The following SPMAP2L variants were observed in gnomAD, a reference collection of about 807,000 sequenced individuals.
The protein encoded by SPMAP2L is sperm microtubule associated protein 2 like.
chr4:56,592,644 C>T, the SPMAP2L span, among the ~76,000 whole-genome samples: 2 of 152,074 alleles, frequency 1.3e-5, no homozygotes, highest in Non-Finnish European at 2.9e-5. Flanking sequence ...GGGCAGGGGA[C>T]GGTGGCCGCG....
the SPMAP2L span, among the ~76,000 whole-genome samples, chr4:56,555,913 A>G: frequency 6.6e-6 from 1 of 152,196 alleles, no homozygotes; most frequent in Non-Finnish European, 1.5e-5. Context: ...GAACACACAC[A>G]TATTTATTGA....
At chr4:56,543,895 A>AGAGAGTGTGTGTGTGT in the SPMAP2L span, among the ~76,000 whole-genome samples, 3 of 109,418 alleles carry the variant, frequency 2.7e-5, no homozygotes, top group African/African-American at 1.1e-4. Flanking sequence ...AGAGAGAGAG[A>AGAGAGTGTGTGTGTGT]GTGTGTGTGT....
At chr4:56,593,444 TC>T in the SPMAP2L span, 1 of 1,560,180 alleles carries the variant, frequency 6.4e-7, no homozygotes, top group Non-Finnish European at 8.8e-7. Flanking sequence ...GGAGTGTTGT[TC>T]CAGTACCCAG....
the SPMAP2L span, among the ~76,000 whole-genome samples, chr4:56,610,266 C>A: frequency 6.7e-6 from 1 of 148,296 alleles, no homozygotes; most frequent in African/African-American, 2.5e-5. Context: ...TCCAATGGAA[C>A]AGATAGAGAA....
At chr4:56,591,144 A>C in the SPMAP2L span, among the ~76,000 whole-genome samples, 1 of 152,202 alleles carries the variant, frequency 6.6e-6, no homozygotes, top group Admixed American at 6.5e-5. Flanking sequence ...TAATTGGATC[A>C]TGAGAGTGGA....
the SPMAP2L span, among the ~76,000 whole-genome samples, chr4:56,581,073 G>A: frequency 6.6e-6 from 1 of 152,040 alleles, no homozygotes; most frequent in African/African-American, 2.4e-5. Context: ...AATTCATAGT[G>A]ACAGAAAGTA....
At chr4:56,624,526 G>C in the SPMAP2L span, among the ~76,000 whole-genome samples, 5 of 152,156 alleles carry the variant, frequency 3.3e-5, no homozygotes, top group Admixed American at 2.0e-4. Context: ...GGAGGCCTAG[G>C]AGGAAAAAGT....
chr4:56,535,626 T>G, the SPMAP2L span, among the ~76,000 whole-genome samples: 1 of 152,196 alleles, frequency 6.6e-6, no homozygotes, highest in Non-Finnish European at 1.5e-5. Flanking sequence ...CCCAGCCGAA[T>G]AAAGCCCTTC....
chr4:56,594,283 A>C, the SPMAP2L span: 1 of 1,560,506 alleles, frequency 6.4e-7, no homozygotes, highest in South Asian at 1.1e-5. Context: ...AGAAACTGGA[A>C]AATAAAGACA....
the SPMAP2L span, among the ~76,000 whole-genome samples, chr4:56,572,915 C>T: frequency 4.0e-5 from 6 of 151,748 alleles, no homozygotes; most frequent in East Asian, 1.2e-3. Context: ...ACTTGGGAAG[C>T]TGAGGCAGGA....
the SPMAP2L span, among the ~76,000 whole-genome samples, chr4:56,549,376 A>T: frequency 6.6e-6 from 1 of 152,272 alleles, no homozygotes; most frequent in African/African-American, 2.4e-5. Context: ...GGGATTTGGG[A>T]TTCTGCACTG....
the SPMAP2L span, among the ~76,000 whole-genome samples, chr4:56,580,547 C>A: frequency 6.6e-6 from 1 of 151,922 alleles, no homozygotes; most frequent in Non-Finnish European, 1.5e-5. Context: ...ACGCTTTACC[C>A]CTGACATCAG....
the SPMAP2L span, among the ~76,000 whole-genome samples, chr4:56,553,261 G>T: frequency 2.2e-5 from 3 of 135,408 alleles, no homozygotes; most frequent in Non-Finnish European, 4.6e-5. Flanking sequence ...TGCAATCATG[G>T]CTTACTGCAG....
the SPMAP2L span, among the ~76,000 whole-genome samples, chr4:56,575,248 C>CA: frequency 0.53 from 74,066 of 139,840 alleles, 19,054 homozygotes; most frequent in Middle Eastern, 0.59. Flanking sequence ...GACTCCATCT[C>CA]AAAAAAAAAA....
At chr4:56,596,769 T>A in the SPMAP2L span, 1 of 965,826 alleles carries the variant, frequency 1.0e-6, no homozygotes, top group Non-Finnish European at 1.4e-6. Context: ...GAAGAGAGAC[T>A]AGCTAGATGA....
the SPMAP2L span, among the ~76,000 whole-genome samples, chr4:56,563,770 T>C: frequency 1.3e-5 from 2 of 152,202 alleles, no homozygotes; most frequent in African/African-American, 4.8e-5. Context: ...ATAGACATTA[T>C]GTACACTAAG....
chr4:56,593,045 T>G, the SPMAP2L span: 1 of 1,592,354 alleles, frequency 6.3e-7, no homozygotes, highest in Non-Finnish European at 8.6e-7. Flanking sequence ...AAACCAGATC[T>G]GGAGATCCTA....
chr4:56,550,205 C>T, the SPMAP2L span, among the ~76,000 whole-genome samples: 2 of 151,940 alleles, frequency 1.3e-5, no homozygotes, highest in Admixed American at 1.3e-4. Context: ...CCAGGCTGGT[C>T]CCAAATTCCT....
chr4:56,538,629 C>A, the SPMAP2L span, among the ~76,000 whole-genome samples: 2 of 152,128 alleles, frequency 1.3e-5, no homozygotes, highest in Non-Finnish European at 2.9e-5. Flanking sequence ...ATGGTGAAAC[C>A]CCAGCTCTAC....
Sources: allele counts gnomAD v4.1 joint callset (sites outside exome capture counted in the v4.1 genomes callset), GRCh38; gene constraint gnomAD v4.1.1; transcripts MANE v1.5; gene names NCBI Gene and HGNC (gene_info 2026-07-23, HGNC 2026-07-21).